CNKSR2: variants seen among roughly 807,000 people sequenced by gnomAD.
CNKSR2 encodes the protein CNK homolog protein 2.
A neutral mutation model predicts 84.4 loss-of-function variants in CNKSR2; 14 were observed. The ratio of observed to expected loss-of-function variants is 0.17; its 90% CI spans 0.11 to 0.26. CNKSR2 has a LOEUF of 0.26. Ranked by LOEUF, CNKSR2 falls within the 10% of genes least tolerant of loss-of-function variation. CNKSR2 has a pLI of 1.00. For synonymous variants in CNKSR2, 275 were observed against 277.9 expected (o/e 0.99, Z 0.10); for missense variants, 485 against 771.2 (o/e 0.63, Z 4.40).
intron 20 of CNKSR2, among the ~76,000 whole-genome samples, chrX:21,625,122 A>G (rs1331559320): frequency 8.9e-6 from 1 of 112,764 alleles, no homozygotes; most frequent in Non-Finnish European, 1.9e-5. Flanking sequence ...TCAAAAAAAG[A>G]TTATTAAAAT....
At chrX:21,610,446 A>C in intron 20 of CNKSR2, among the ~76,000 whole-genome samples, 1 of 112,600 alleles carries the variant, frequency 8.9e-6, no homozygotes, top group Non-Finnish European at 1.9e-5. Context: ...CAGTTATTTT[A>C]GTAAGAAAGA....
chrX:21,621,889 AATTTAT>A (rs1215410924), intron 20 of CNKSR2, among the ~76,000 whole-genome samples: 1 of 111,268 alleles, frequency 9.0e-6, no homozygotes. Context: ...TATTTTTACA[AATTTAT>A]ATTTATATCA....
In CNKSR2 at chrX:21,609,219, G is replaced by A; in HGVS notation, c.2294G>A (p.Arg765His). 2 of 1,211,248 alleles carry A rather than the reference G, an allele frequency of 1.7e-6. No individual in the cohort carries two copies. The highest frequency in any genetic ancestry group is 2.2e-6 in the Non-Finnish European group (2 of 895,272). Reference sequence around the variant, plus strand: ...CCCATTCGCAAGACAGCCAGTCAGCGCCGCTCCTGGCAGGATTTAATTGAG... The same window carrying A: ...CCCATTCGCAAGACAGCCAGTCAGCACCGCTCCTGGCAGGATTTAATTGAG... ...VSPIRKTASQ[R>H]RSWQDLIETP... is the part of the protein sequence containing the mutation. Residue 765 changes from arginine (R) to histidine (H), a missense_variant, in exon 20 of 22, where the codon CGC becomes CAC. Transcript: ENST00000379510.
At chrX:21,557,579 A>G (rs905248921) in intron 11 of CNKSR2, among the ~76,000 whole-genome samples, 3 of 111,425 alleles carry the variant, frequency 2.7e-5, no homozygotes, top group Non-Finnish European at 5.7e-5. Context: ...TGGTTATACT[A>G]TGAGGCACTA....
At chrX:21,380,918 GA>G (rs2089889806) in intron 1 of CNKSR2, among the ~76,000 whole-genome samples, 2 of 111,824 alleles carry the variant, frequency 1.8e-5, no homozygotes, top group Non-Finnish European at 3.8e-5. Context: ...AAAGTAATTT[GA>G]AAAAAATTGA....
chrX:21,561,407 T>A, intron 11 of CNKSR2, 64 bp from the exon 12 acceptor site: 3 of 844,903 alleles, frequency 3.6e-6, no homozygotes, highest in Non-Finnish European at 5.3e-6. Flanking sequence ...TAAAAATCAG[T>A]GTAAGTTTGA....
At position 21,652,515 on chromosome X, in the gene CNKSR2, T is replaced by C; in HGVS notation, c.3099T>C (p.His1033=). 1.7e-6 allele frequency: 2 copies of C among 1,192,808 alleles called. No homozygotes were observed. The highest frequency in any genetic ancestry group is 2.3e-6 in the Non-Finnish European group (2 of 878,201). ...LAHTHSYIET[H]V is the part of the protein sequence containing the mutation. ...ACACTCATTCATACATTGAAACGCA[T>C]GTCTAAATGTATTCTGCCTTCAGAC... Residue 1033 remains histidine, a synonymous_variant, in exon 22 of 22, where the codon CAT becomes CAC. Transcript: ENST00000379510.
At chrX:21,491,794 A>T (rs769937082) in intron 6 of CNKSR2, 2 of 112,165 alleles carry the variant, frequency 1.8e-5, no homozygotes, top group East Asian at 5.6e-4. Context: ...TTACATCTAC[A>T]AAGTCCAGTT....
intron 13 of CNKSR2, among the ~76,000 whole-genome samples, chrX:21,585,961 T>C (rs2037507588): frequency 1.8e-5 from 2 of 111,515 alleles, no homozygotes; most frequent in African/African-American, 6.5e-5. Flanking sequence ...TGCTTTAAAT[T>C]CACATACATA....
At chrX:21,510,677 C>G (rs1002277198) in intron 8 of CNKSR2, among the ~76,000 whole-genome samples, 4 of 111,880 alleles carry the variant, frequency 3.6e-5, no homozygotes, top group African/African-American at 1.3e-4. Context: ...CTGTCTGCTT[C>G]AGCCTGATCA....
In CNKSR2 at chrX:21,635,578, A is replaced by T. The variant is rs1202839566; in HGVS notation, c.2693-13253A>T. 9.3e-5 allele frequency among the ~76,000 whole-genome samples: 10 copies of T among 107,917 alleles called. No homozygotes were observed. The East Asian group carries it at 2.8e-3, about 30-fold the overall frequency. The allele number at this position is 107,917 out of a possible 115,157, so 93.7% of individuals were successfully genotyped here. ...TATATATGTATATATGTATATATAA[A>T]TGTGTGTGTGTATATGTATAGATCA... On this transcript the variant is annotated intron_variant, in intron 20 of 21. Coordinates refer to ENST00000379510, the MANE Select transcript of CNKSR2 (RefSeq NM_014927.5).
At position 21,526,766 on chromosome X, in the gene CNKSR2, T is replaced by A. The variant is rs772981322; in HGVS notation, c.958-101T>A. ...CAAAAACTGCAGAAATAGATAATTT[T>A]AAAATGATAACTATGTGTCATTGTT... On this transcript the variant is annotated intron_variant, in intron 9 of 21. Transcript: ENST00000379510. 4.7e-4 allele frequency: 356 copies of A among 764,939 alleles called. 1 individual carries two copies. In the African/African-American group the frequency reaches 6.9e-3, roughly 15 times the overall value. The allele number at this position is 764,939 out of a possible 1,213,427, so 63.0% of individuals were successfully genotyped here.
chrX:21,582,509 G>A (rs2092359746), intron 13 of CNKSR2, among the ~76,000 whole-genome samples: 1 of 111,527 alleles, frequency 9.0e-6, no homozygotes, highest in African/African-American at 3.3e-5. Flanking sequence ...TGTAGTAGGA[G>A]TATAGGTTTT....
At chrX:21,550,698 A>C (rs1180301605) in intron 11 of CNKSR2, among the ~76,000 whole-genome samples, 1 of 112,290 alleles carries the variant, frequency 8.9e-6, no homozygotes, top group Non-Finnish European at 1.9e-5. Flanking sequence ...CTGGATAAAG[A>C]AAATGTGGCA....
intron 4 of CNKSR2, among the ~76,000 whole-genome samples, chrX:21,460,672 C>T (rs149434017): frequency 2.1e-3 from 237 of 111,075 alleles, no homozygotes; most frequent in African/African-American, 7.0e-3. Flanking sequence ...TTGTACCCAT[C>T]CCCACTTCTC....
chrX:21,538,213 G>A (rs2091946705), intron 11 of CNKSR2: 1 of 111,681 alleles, frequency 9.0e-6, no homozygotes, highest in Non-Finnish European at 1.9e-5. Flanking sequence ...CGTTGTAGTA[G>A]TATTAGCCAA....
rs187660218 is a variant in CNKSR2, at chrX:21,653,505, G to C, written c.*984G>C. 9.1e-5 allele frequency: 10 copies of C among 110,018 alleles called. No homozygotes were observed. In the East Asian group the frequency reaches 2.8e-3, roughly 31 times the overall value. 9.1% of individuals were successfully genotyped at this position (110,018 alleles called of 1,213,427 possible). ...ATTAAACTTAGGTAATTATACTTCA[G>C]GTAGGGAAGTACAATATGTTTAGTT... On this transcript the variant is annotated 3_prime_UTR_variant, in exon 22 of 22. Transcript: ENST00000379510.
At chrX:21,563,086 A>G in intron 12 of CNKSR2, 152 bp from the exon 13 acceptor site, 2 of 436,690 alleles carry the variant, frequency 4.6e-6, no homozygotes, top group Non-Finnish European at 7.9e-6. Flanking sequence ...AATATATTAG[A>G]TTGGGGCAAA....
chrX:21,459,182 C>T (rs141754794), intron 4 of CNKSR2, among the ~76,000 whole-genome samples: 1 of 109,877 alleles, frequency 9.1e-6, no homozygotes, highest in Non-Finnish European at 1.9e-5. Flanking sequence ...ACTACCACCA[C>T]CCGGCTACTT....
Sources: gnomAD v4.1 joint callset for allele counts (sites outside exome capture counted in the v4.1 genomes callset) on GRCh38, gnomAD v4.1.1 for gene constraint, MANE v1.5 for transcripts, NCBI Gene and HGNC (gene_info 2026-07-23, HGNC 2026-07-21) for gene names.